The following IMMP2L variants were observed in gnomAD, a reference collection of about 807,000 sequenced individuals.
IMMP2L encodes the protein inner mitochondrial membrane peptidase subunit 2.
Under a neutral mutation model 19.3 loss-of-function variants are expected in IMMP2L, and 18 were observed. The observed-to-expected ratio is 0.93, with a 90% confidence interval of 0.64 to 1.38. IMMP2L has a LOEUF of 1.38. Among genes scored for constraint, IMMP2L ranks in the 40% most tolerant of loss-of-function variants. IMMP2L has a pLI of 0.00. For synonymous variants in IMMP2L, 76 were observed against 73.0 expected (o/e 1.04, Z -0.21); for missense variants, 233 against 218.2 (o/e 1.07, Z -0.43).
intron 3 of IMMP2L, among the ~76,000 whole-genome samples, chr7:111,156,694 T>C (rs1586611708): frequency 1.3e-5 from 2 of 152,044 alleles, no homozygotes; most frequent in Admixed American, 6.6e-5. Flanking sequence ...GATGCTAATA[T>C]TAATGTCGTC....
chr7:111,529,252 C>T (rs763131088), intron 1 of IMMP2L, among the ~76,000 whole-genome samples: 6 of 152,140 alleles, frequency 3.9e-5, no homozygotes, highest in Non-Finnish European at 7.4e-5. Context: ...GCTCGGCAAA[C>T]AGAGCCTAAG....
intron 3 of IMMP2L, among the ~76,000 whole-genome samples, chr7:111,430,350 C>A (rs1836503603): frequency 6.6e-6 from 1 of 151,222 alleles, no homozygotes; most frequent in South Asian, 2.1e-4. Context: ...TATTATTTTC[C>A]TTCCTGGTAA....
intron 3 of IMMP2L, among the ~76,000 whole-genome samples, chr7:111,145,641 C>G (rs1803386687): frequency 6.6e-6 from 1 of 152,006 alleles, no homozygotes; most frequent in Non-Finnish European, 1.5e-5. Flanking sequence ...TGAACTCTTC[C>G]CACTTGCTCT....
intron 5 of IMMP2L, among the ~76,000 whole-genome samples, chr7:110,714,106 T>A (rs749537547): frequency 6.6e-6 from 1 of 152,230 alleles, no homozygotes; most frequent in Non-Finnish European, 1.5e-5. Context: ...TTTCCTTTAA[T>A]GCCTAGTTTC....
At chr7:111,236,441 AT>A (rs1814324056) in intron 3 of IMMP2L, among the ~76,000 whole-genome samples, 1 of 152,052 alleles carries the variant, frequency 6.6e-6, no homozygotes, top group African/African-American at 2.4e-5. Flanking sequence ...TGGTTATTCT[AT>A]CTGATGCTTC....
intron 5 of IMMP2L, among the ~76,000 whole-genome samples, chr7:110,761,380 A>G (rs1366069067): frequency 6.6e-6 from 1 of 152,156 alleles, no homozygotes. Context: ...TCTTGAACTC[A>G]TCAACCTAGA....
chr7:111,392,592 C>T (rs1006498841), intron 3 of IMMP2L, among the ~76,000 whole-genome samples: 13 of 152,078 alleles, frequency 8.5e-5, no homozygotes, highest in African/African-American at 2.4e-5. Context: ...GACACAAACT[C>T]GAAGTCCCAT....
chr7:110,756,621 G>C (rs1584735582), intron 5 of IMMP2L, among the ~76,000 whole-genome samples: 1 of 152,120 alleles, frequency 6.6e-6, no homozygotes, highest in East Asian at 1.9e-4. Flanking sequence ...AAGAATATTA[G>C]ATAGGTTCAT....
intron 3 of IMMP2L, among the ~76,000 whole-genome samples, chr7:111,170,104 T>C (rs1313590094): frequency 6.6e-6 from 1 of 151,960 alleles, no homozygotes; most frequent in African/African-American, 2.4e-5. Flanking sequence ...TTGAAACTGC[T>C]GAAACTATGT....
chr7:111,165,521 AT>A (rs1327160169), intron 3 of IMMP2L, among the ~76,000 whole-genome samples: 1 of 151,954 alleles, frequency 6.6e-6, no homozygotes, highest in East Asian at 1.9e-4. Context: ...GTGGCTATTT[AT>A]TTTTTAATGC....
intron 4 of IMMP2L, among the ~76,000 whole-genome samples, chr7:110,959,200 A>G (rs907295639): frequency 3.9e-5 from 6 of 151,956 alleles, no homozygotes; most frequent in African/African-American, 1.4e-4. Context: ...TGAAATATCA[A>G]ATTCTTTCCA....
chr7:110,922,823 T>C (rs1351947361), intron 4 of IMMP2L, among the ~76,000 whole-genome samples: 1 of 152,182 alleles, frequency 6.6e-6, no homozygotes, highest in Non-Finnish European at 1.5e-5. Context: ...CGCTAAAGTC[T>C]GGATGTAATG....
chr7:111,214,626 T>C (rs1811736078), intron 3 of IMMP2L, among the ~76,000 whole-genome samples: 1 of 150,940 alleles, frequency 6.6e-6, no homozygotes, highest in South Asian at 2.1e-4. Flanking sequence ...GTGCAGGGAT[T>C]ACAGGTGTGA....
intron 4 of IMMP2L, among the ~76,000 whole-genome samples, chr7:110,906,216 T>A (rs897027115): frequency 2.0e-5 from 3 of 152,248 alleles, no homozygotes; most frequent in African/African-American, 7.2e-5. Context: ...ACTAGATTGC[T>A]ACAATAATAG....
intron 3 of IMMP2L, among the ~76,000 whole-genome samples, chr7:110,995,034 T>G (rs1471640870): frequency 6.6e-6 from 1 of 152,148 alleles, no homozygotes; most frequent in African/African-American, 2.4e-5. Flanking sequence ...AGAGAGCTGC[T>G]GCAATCTCCA....
At chr7:111,490,277 T>C (rs1430783341) in intron 2 of IMMP2L, among the ~76,000 whole-genome samples, 1 of 151,098 alleles carries the variant, frequency 6.6e-6, no homozygotes, top group Middle Eastern at 3.2e-3. Flanking sequence ...AGTCGGGTTT[T>C]TTTTTTCCTT....
chr7:111,376,672 C>T (rs1032764783), intron 3 of IMMP2L, among the ~76,000 whole-genome samples: 10 of 151,958 alleles, frequency 6.6e-5, no homozygotes, highest in African/African-American at 2.4e-4. Context: ...GATGACTGGA[C>T]ACATAAAATG....
intron 4 of IMMP2L, among the ~76,000 whole-genome samples, chr7:110,899,211 T>C (rs1384357288): frequency 6.6e-6 from 1 of 152,170 alleles, no homozygotes; most frequent in African/African-American, 2.4e-5. Flanking sequence ...ACTAATAACA[T>C]TTCTATATAC....
intron 5 of IMMP2L, among the ~76,000 whole-genome samples, chr7:110,853,883 T>C (rs1275621298): frequency 6.6e-6 from 1 of 152,036 alleles, no homozygotes; most frequent in East Asian, 1.9e-4. Context: ...CATTGGACTA[T>C]GTACTTTAAT....
Sources: allele counts gnomAD v4.1 joint callset (sites outside exome capture counted in the v4.1 genomes callset), GRCh38; gene constraint gnomAD v4.1.1; transcripts MANE v1.5; gene names NCBI Gene and HGNC (gene_info 2026-07-23, HGNC 2026-07-21).